Variants in ESRRG observed in about 807,000 individuals in gnomAD.
ESRRG encodes estrogen-related receptor gamma.
A neutral mutation model predicts 44.0 loss-of-function variants in ESRRG; 13 were observed. The ratio of observed to expected loss-of-function variants is 0.30; its 90% confidence interval spans 0.19 to 0.47. ESRRG has a LOEUF of 0.47. ESRRG is among the 20% of genes least tolerant of loss of function. The pLI is 1.00. For missense variants in ESRRG, 395 were observed against 580.6 expected (o/e 0.68, Z 3.29); for synonymous variants, 215 against 214.6 (o/e 1.00, Z -0.02).
At chr1:217,024,925 C>CTT (rs1311437256) in intron 1 of ESRRG, among the ~76,000 whole-genome samples, 1 of 152,218 alleles carries the variant, frequency 6.6e-6, no homozygotes, top group South Asian at 2.1e-4. Flanking sequence ...TACTTTAAAA[C>CTT]ATCCTTCCAC....
intron 1 of ESRRG, among the ~76,000 whole-genome samples, chr1:216,983,938 A>G (rs561561325): frequency 6.6e-6 from 1 of 151,800 alleles, no homozygotes; most frequent in African/African-American, 2.4e-5. Context: ...TATCCTTATA[A>G]CCTGCAATCC....
intron 2 of ESRRG, among the ~76,000 whole-genome samples, chr1:216,654,521 T>G (rs1263760380): frequency 6.7e-6 from 1 of 149,920 alleles, no homozygotes; most frequent in Admixed American, 6.7e-5. Context: ...CCCAGCTGCG[T>G]GGGAGGCTGA....
chr1:216,980,572 G>A (rs2073784022), intron 1 of ESRRG, among the ~76,000 whole-genome samples: 1 of 152,080 alleles, frequency 6.6e-6, no homozygotes, highest in Admixed American at 6.6e-5. Flanking sequence ...GAACTGTACT[G>A]TTTACCCACA....
intron 1 of ESRRG, among the ~76,000 whole-genome samples, chr1:217,056,223 A>G (rs1050678833): frequency 6.6e-6 from 1 of 152,274 alleles, no homozygotes; most frequent in Middle Eastern, 3.4e-3. Context: ...TCCATGTTAG[A>G]CTGTGGCGTA....
intron 5 of ESRRG, among the ~76,000 whole-genome samples, chr1:216,545,198 C>A (rs1572684499): frequency 6.6e-6 from 1 of 151,408 alleles, no homozygotes; most frequent in African/African-American, 2.4e-5. Flanking sequence ...CAGGCATACA[C>A]CAGCATGCCT....
At chr1:216,859,079 T>C (rs2096005084) in intron 2 of ESRRG, among the ~76,000 whole-genome samples, 1 of 152,180 alleles carries the variant, frequency 6.6e-6, no homozygotes, top group Non-Finnish European at 1.5e-5. Flanking sequence ...TGTGAGAAAC[T>C]CTACTTTGTA....
Position 216,914,658 on chromosome 1 carries a change from G to A in ESRRG, c.-14+24924C>T, listed in dbSNP as rs146193241. Among the ~76,000 whole-genome samples, 173 of 152,278 alleles carry A rather than the reference G, an allele frequency of 1.1e-3. 2 individuals are homozygous for A. Among genetic ancestry groups the A allele is most frequent in the African/African-American group, 4.1e-3 (169 of 41,556 alleles). On this transcript the variant is annotated intron_variant, in intron 2 of 7. Coordinates refer to the ESRRG transcript ENST00000359162. ...GTGCCAGTGGTTTGATCTTGCACAT[G>A]TTACCCCTTGATACCTCCTCTGCCA...
At chr1:216,691,935 T>C (rs1178631426) in intron 1 of ESRRG, among the ~76,000 whole-genome samples, 1 of 152,136 alleles carries the variant, frequency 6.6e-6, no homozygotes, top group Non-Finnish European at 1.5e-5. Context: ...TACTCACATG[T>C]TTTTGGTGAT....
At chr1:217,053,764 G>T (rs1289005998) in intron 1 of ESRRG, among the ~76,000 whole-genome samples, 3 of 151,844 alleles carry the variant, frequency 2.0e-5, no homozygotes, top group Admixed American at 2.0e-4. Flanking sequence ...GTGTTCTTTT[G>T]CCAGCCACCA....
At chr1:217,064,973 C>T (rs2089373491) in intron 1 of ESRRG, among the ~76,000 whole-genome samples, 1 of 152,136 alleles carries the variant, frequency 6.6e-6, no homozygotes, top group Non-Finnish European at 1.5e-5. Flanking sequence ...TATAGTCCCT[C>T]CTATAATGCC....
intron 2 of ESRRG, among the ~76,000 whole-genome samples, chr1:216,796,278 G>A (rs1042400735): frequency 6.6e-6 from 1 of 152,142 alleles, no homozygotes; most frequent in African/African-American, 2.4e-5. Context: ...CTTCCCCACT[G>A]GGCTCCCAGA....
chr1:216,964,919 AAAAATACATTTCAT>A (rs2069945407), intron 1 of ESRRG, among the ~76,000 whole-genome samples: 1 of 152,204 alleles, frequency 6.6e-6, no homozygotes, highest in East Asian at 1.9e-4. Flanking sequence ...TCAAATACAG[AAAAATACATTTCAT>A]AAACAAAGAT....
chr1:216,814,025 A>G (rs561092320), intron 2 of ESRRG, among the ~76,000 whole-genome samples: 2 of 152,140 alleles, frequency 1.3e-5, no homozygotes, highest in Non-Finnish European at 2.9e-5. Flanking sequence ...CACCACTAAT[A>G]TCCCAGGAGC....
chr1:217,127,714 T>C (rs1042225845), intron 1 of ESRRG, among the ~76,000 whole-genome samples: 79 of 152,184 alleles, frequency 5.2e-4, no homozygotes, highest in African/African-American at 1.9e-3. Flanking sequence ...CTGCCTCAGT[T>C]TTCTAACTTG....
At chr1:216,592,076 C>T (rs1352313645) in intron 3 of ESRRG, among the ~76,000 whole-genome samples, 1 of 152,210 alleles carries the variant, frequency 6.6e-6, no homozygotes. Flanking sequence ...TGTGATATTC[C>T]TGCCAAAGAC....
intron 2 of ESRRG, among the ~76,000 whole-genome samples, chr1:216,837,597 G>A (rs1476141658): frequency 6.6e-6 from 1 of 152,114 alleles, no homozygotes; most frequent in African/African-American, 2.4e-5. Flanking sequence ...AGAGTCCAAA[G>A]ATCCCCTGGT....
intron 2 of ESRRG, among the ~76,000 whole-genome samples, chr1:216,908,500 A>G (rs532663704): frequency 6.6e-6 from 1 of 152,276 alleles, no homozygotes; most frequent in South Asian, 2.1e-4. Flanking sequence ...TCAATTGTCT[A>G]TTTCCAGCAA....
intron 3 of ESRRG, among the ~76,000 whole-genome samples, chr1:216,632,997 A>G (rs978746858): frequency 1.3e-5 from 2 of 152,190 alleles, no homozygotes; most frequent in African/African-American, 4.8e-5. Flanking sequence ...AGAGAGAGAG[A>G]GAGGGAGATC....
At chr1:217,087,115 G>C (rs139554621) in intron 1 of ESRRG, among the ~76,000 whole-genome samples, 1 of 152,316 alleles carries the variant, frequency 6.6e-6, no homozygotes, top group African/African-American at 2.4e-5. Context: ...GAAGAAAAAA[G>C]AGACACTTAG....
Sources: gnomAD v4.1 joint callset for allele counts (sites outside exome capture counted in the v4.1 genomes callset) on GRCh38, gnomAD v4.1.1 for gene constraint, MANE v1.5 for transcripts, NCBI Gene and HGNC (gene_info 2026-07-23, HGNC 2026-07-21) for gene names.